The following CPQ variants were observed in gnomAD, a reference collection of about 807,000 sequenced individuals.
CPQ encodes carboxypeptidase Q, also known as Ser-Met dipeptidase.
A neutral mutation model predicts 45.7 loss-of-function variants in CPQ; 37 were observed. That is an observed-to-expected ratio of 0.81 (90% CI 0.62 to 1.07). The LOEUF (loss-of-function observed/expected upper bound fraction) is 1.07, where lower values mean the gene tolerates loss of function less well. Ranked by LOEUF, CPQ falls within the 50% of genes least tolerant of loss-of-function variation. CPQ has a pLI of 0.00. For synonymous variants in CPQ, 186 were observed against 205.8 expected, an observed-to-expected ratio of 0.90 and a Z score of 0.82; for missense variants, 537 against 572.9, an observed-to-expected ratio of 0.94 and a Z score of 0.64.
intron 4 of CPQ, among the ~76,000 whole-genome samples, chr8:96,908,747 G>GCACACA (rs34425501): frequency 0.56 from 79,228 of 140,674 alleles, 21,477 homozygotes; most frequent in East Asian, 0.72. Context: ...ATACACATGC[G>GCACACA]CACACACACA....
At chr8:97,096,674 A>C (rs759958495) in intron 7 of CPQ, among the ~76,000 whole-genome samples, 1 of 152,192 alleles carries the variant, frequency 6.6e-6, no homozygotes, top group Non-Finnish European at 1.5e-5. Flanking sequence ...GGTACTTGTA[A>C]GGAATGGAAC....
At chr8:96,855,069 T>C (rs569024066) in intron 3 of CPQ, among the ~76,000 whole-genome samples, 1 of 152,306 alleles carries the variant, frequency 6.6e-6, no homozygotes, top group African/African-American at 2.4e-5. Flanking sequence ...GGAGGAATTC[T>C]CTCTTCCTTG....
In CPQ at chr8:96,935,789, T is replaced by C. The variant is rs546265926; in HGVS notation, c.850-30146T>C. Among the ~76,000 whole-genome samples, 9 of 152,278 alleles carry C rather than the reference T, an allele frequency of 5.9e-5. No homozygotes were observed. The East Asian group carries it at 1.7e-3, about 29-fold the overall frequency. On this transcript the variant is annotated intron_variant, in intron 4 of 7. Coordinates refer to ENST00000220763, the MANE Select transcript of CPQ (RefSeq NM_016134.4). ...AGCACAAAATATCTACTTTGTGGCA[T>C]AGCATAAAATACTTTACTTATAAAT...
At chr8:97,017,575 G>A (rs1039502675) in intron 5 of CPQ, among the ~76,000 whole-genome samples, 1 of 152,110 alleles carries the variant, frequency 6.6e-6, no homozygotes, top group East Asian at 1.9e-4. Flanking sequence ...GAGGGGCACA[G>A]TGAGAGTGAG....
rs538080913 is a variant in CPQ at position 96,933,734 on chromosome 8, G to A, written c.850-32201G>A. Among the ~76,000 whole-genome samples, 28 of 152,208 alleles carry A rather than the reference G, an allele frequency of 1.8e-4. No individual in the cohort carries two copies. The South Asian group carries it at 5.6e-3, about 30-fold the overall frequency. On this transcript the variant is annotated intron_variant, in intron 4 of 7. Coordinates refer to ENST00000220763, the MANE Select transcript of CPQ (RefSeq NM_016134.4). ...CAAGATGGAGCCAATGTAAGGTAAT[G>A]TCTTTAAGTTTCCTGCTGCTTGCTT...
chr8:96,701,115 T>G (rs1198891082), intron 1 of CPQ, among the ~76,000 whole-genome samples: 1 of 152,220 alleles, frequency 6.6e-6, no homozygotes, highest in Non-Finnish European at 1.5e-5. Context: ...ATAACCTGGT[T>G]ATATACAATA....
chr8:96,861,606 AC>A (rs1416047389), intron 3 of CPQ, among the ~76,000 whole-genome samples: 1 of 152,138 alleles, frequency 6.6e-6, no homozygotes, highest in Non-Finnish European at 1.5e-5. Context: ...AACATAGTCA[AC>A]CGTCTGTGGA....
intron 4 of CPQ, among the ~76,000 whole-genome samples, chr8:96,905,665 C>T (rs1812566031): frequency 6.6e-6 from 1 of 151,432 alleles, no homozygotes; most frequent in South Asian, 2.1e-4. Flanking sequence ...CTTTTAGTTG[C>T]CTACTAATTT....
chr8:97,051,019 G>GGTT (rs1810351462), intron 6 of CPQ, among the ~76,000 whole-genome samples: 1 of 152,080 alleles, frequency 6.6e-6, no homozygotes, highest in Non-Finnish European at 1.5e-5. Flanking sequence ...TGAGATTAAT[G>GGTT]GTTGCCAGGG....
intron 1 of CPQ, among the ~76,000 whole-genome samples, chr8:96,771,111 ATATT>A (rs370889940): frequency 0.042 from 6,122 of 147,344 alleles, 167 homozygotes; most frequent in Middle Eastern, 0.1. Context: ...ATAAATATAT[ATATT>A]TATATATTTT....
intron 1 of CPQ, among the ~76,000 whole-genome samples, chr8:96,720,241 G>A (rs1375375214): frequency 2.6e-5 from 4 of 151,962 alleles, no homozygotes; most frequent in Admixed American, 6.5e-5. Context: ...CAACACTTGC[G>A]GCATCTTGGG....
chr8:96,779,865 T>TC (rs1810665022), intron 1 of CPQ, among the ~76,000 whole-genome samples: 1 of 152,196 alleles, frequency 6.6e-6, no homozygotes, highest in African/African-American at 2.4e-5. Flanking sequence ...AGTATCAGTA[T>TC]AGTGGCTTTA....
intron 6 of CPQ, among the ~76,000 whole-genome samples, chr8:97,047,652 CCAA>C (rs1810282808): frequency 1.3e-5 from 2 of 152,092 alleles, no homozygotes; most frequent in South Asian, 4.1e-4. Context: ...AAAAAAATAA[CCAA>C]CAACACTTCA....
At position 96,865,770 on chromosome 8, in the gene CPQ, C is replaced by T. The variant is rs1586431080; in HGVS notation, c.642-14028C>T. Among the ~76,000 whole-genome samples, 3 of 151,992 alleles carry T rather than the reference C, an allele frequency of 2.0e-5. No individual in the cohort carries two copies. In the South Asian group the frequency reaches 6.2e-4, roughly 31 times the overall value. Reference sequence around the variant, plus strand: ...AAACTCAAGTTGTCAGTACTAAATTCATTATCCCCCATTAACAGGCATAAT... The same window carrying T: ...AAACTCAAGTTGTCAGTACTAAATTTATTATCCCCCATTAACAGGCATAAT... On this transcript the variant is annotated intron_variant, in intron 3 of 7. Transcript: ENST00000220763.
chr8:96,915,303 C>A (rs1812717359), intron 4 of CPQ, among the ~76,000 whole-genome samples: 1 of 152,104 alleles, frequency 6.6e-6, no homozygotes, highest in Admixed American at 6.6e-5. Context: ...GGAGTGTACA[C>A]ATTCTGTAAC....
chr8:96,819,390 T>G (rs1198360060), intron 2 of CPQ, among the ~76,000 whole-genome samples: 2 of 152,120 alleles, frequency 1.3e-5, no homozygotes, highest in Non-Finnish European at 2.9e-5. Flanking sequence ...ATTGCAGTCT[T>G]TTTTACATTA....
chr8:96,696,037 A>G (rs1469437760), intron 1 of CPQ, among the ~76,000 whole-genome samples: 3 of 151,518 alleles, frequency 2.0e-5, no homozygotes, highest in Non-Finnish European at 4.4e-5. Flanking sequence ...ACTTGGAACC[A>G]ACCCAAATGT....
At chr8:96,831,449 G>T (rs2130846051) in intron 2 of CPQ, among the ~76,000 whole-genome samples, 1 of 152,276 alleles carries the variant, frequency 6.6e-6, no homozygotes, top group Admixed American at 6.5e-5. Flanking sequence ...TGTGTTCTTA[G>T]AGGTTTTCAT....
intron 5 of CPQ, among the ~76,000 whole-genome samples, chr8:96,980,948 G>A (rs1433246120): frequency 6.6e-6 from 1 of 152,162 alleles, no homozygotes; most frequent in African/African-American, 2.4e-5. Context: ...TGCTCTCTCT[G>A]TGATGTCCTT....
Sources: gnomAD v4.1 joint callset for allele counts (sites outside exome capture counted in the v4.1 genomes callset) on GRCh38, gnomAD v4.1.1 for gene constraint, MANE v1.5 for transcripts, NCBI Gene and HGNC (gene_info 2026-07-23, HGNC 2026-07-21) for gene names.